The following SANBR variants were observed in gnomAD, a reference collection of about 807,000 sequenced individuals.
SANBR encodes SANT and BTB domain regulator of class switch recombination.
SANBR carries 77 observed loss-of-function variants against 101.8 expected under a neutral mutation model. The ratio of observed to expected loss-of-function variants is 0.76; its 90% CI spans 0.63 to 0.91. SANBR has a LOEUF of 0.91. SANBR is among the 40% of genes least tolerant of loss of function. The pLI is 0.00. For synonymous variants in SANBR, 279 were observed against 274.7 expected (o/e 1.02, Z -0.15); for missense variants, 875 against 853.0 (o/e 1.03, Z -0.32).
chr2:61,123,194 G>C lies in SANBR; in HGVS notation c.*1032G>C. On this transcript the variant is annotated 3_prime_UTR_variant, in exon 22 of 22. Coordinates refer to ENST00000402291, the MANE Select transcript of SANBR (RefSeq NM_001129993.3). ...TAACCATATAATAAATTATGTGTTT[G>C]TAAATTATATGTAGGTCTCTGAAAA... 3 of 978,664 alleles carry C rather than the reference G, an allele frequency of 3.1e-6. No homozygotes were observed. Among genetic ancestry groups the C allele is most frequent in the Non-Finnish European group, 3.6e-6 (3 of 823,646 alleles). 60.6% of individuals were successfully genotyped at this position (978,664 alleles called of 1,614,324 possible). A position where few individuals can be genotyped will look rare whatever the true frequency, so the allele number is the denominator to read the frequency against.
chr2:61,117,228 AT>A lies in SANBR; in HGVS notation c.1837-128del, dbSNP rs559693054. 7.7e-4 allele frequency: 645 copies of A among 838,940 alleles called. 1 individual carries two copies. In the African/African-American group the frequency reaches 9.7e-3, roughly 13 times the overall value. The allele number at this position is 838,940 out of a possible 1,614,324, so 52.0% of individuals were successfully genotyped here. On this transcript the variant is annotated intron_variant, in intron 17 of 21. Coordinates refer to ENST00000402291, the MANE Select transcript of SANBR (RefSeq NM_001129993.3). ...TTGGTTGGTGCAAGGTTTAAATGAAATAGCACTTGTAATGCTCTTGGTACAG... is the reference window on the plus strand; with the variant it reads ...TTGGTTGGTGCAAGGTTTAAATGAAAAGCACTTGTAATGCTCTTGGTACAG...
At chr2:61,120,510 C>T (rs535106679) in intron 20 of SANBR, among the ~76,000 whole-genome samples, 1 of 151,976 alleles carries the variant, frequency 6.6e-6, no homozygotes, top group Non-Finnish European at 1.5e-5. Flanking sequence ...TCAAAAAGAA[C>T]ATTGAGCCCA....
At chr2:61,077,276 G>C (rs971897431) in intron 6 of SANBR, 118 bp downstream of exon 6, 1 of 717,522 alleles carries the variant, frequency 1.4e-6, no homozygotes, top group African/African-American at 1.8e-5. Flanking sequence ...GCTCATATTA[G>C]TAACAGCCTT....
chr2:61,078,785 T>A (rs984398037), intron 6 of SANBR, among the ~76,000 whole-genome samples: 6 of 151,812 alleles, frequency 4.0e-5, no homozygotes, highest in Non-Finnish European at 8.8e-5. Context: ...ACACTGGTAG[T>A]CCCAGCACTT....
At chr2:61,075,983 CTTTATTTATTTA>C (rs529777250) in intron 5 of SANBR, among the ~76,000 whole-genome samples, 2 of 151,060 alleles carry the variant, frequency 1.3e-5, no homozygotes, top group African/African-American at 2.4e-5. Flanking sequence ...TTTTTATAAA[CTTTATTTATTTA>C]TTTATTTATT....
intron 12 of SANBR, among the ~76,000 whole-genome samples, chr2:61,098,367 G>T (rs576417440): frequency 2.6e-5 from 4 of 152,114 alleles, no homozygotes; most frequent in Non-Finnish European, 5.9e-5. Flanking sequence ...GCCTCCCAGA[G>T]TGCCGGGATT....
intron 5 of SANBR, among the ~76,000 whole-genome samples, chr2:61,074,422 C>A (rs1681648429): frequency 6.6e-6 from 1 of 152,098 alleles, no homozygotes; most frequent in Admixed American, 6.6e-5. Flanking sequence ...TGGAGGTTTT[C>A]TTTTGAGACA....
At chr2:61,070,959 C>T (rs1311794825) in intron 3 of SANBR, among the ~76,000 whole-genome samples, 3 of 151,292 alleles carry the variant, frequency 2.0e-5, no homozygotes, top group East Asian at 3.9e-4. Flanking sequence ...TGACCTCAAG[C>T]GATCTTTCTG....
chr2:61,133,215 G>A (rs1311416268), intron 20 of SANBR, among the ~76,000 whole-genome samples: 1 of 151,954 alleles, frequency 6.6e-6, no homozygotes, highest in African/African-American at 2.4e-5. Context: ...ACACGTTACT[G>A]CACTGCACTC....
At chr2:61,130,446 GACAAAGGTATC>G (rs1421319747) in intron 20 of SANBR, among the ~76,000 whole-genome samples, 2 of 152,050 alleles carry the variant, frequency 1.3e-5, no homozygotes, top group Non-Finnish European at 2.9e-5. Context: ...GACATCACTA[GACAAAGGTATC>G]ACAAGAAAAA....
At chr2:61,130,662 C>T (rs1427904855) in intron 20 of SANBR, among the ~76,000 whole-genome samples, 1 of 150,976 alleles carries the variant, frequency 6.6e-6, no homozygotes, top group Non-Finnish European at 1.5e-5. Context: ...TTAAGTTTCA[C>T]AATCAGCTGG....
chr2:61,095,373 A>G (rs903847440), intron 11 of SANBR, among the ~76,000 whole-genome samples: 6 of 152,342 alleles, frequency 3.9e-5, no homozygotes, highest in South Asian at 4.1e-4. Context: ...TATAGTTTTT[A>G]TAGGTTCTCA....
At chr2:61,125,363 G>T (rs1180035616), downstream of SANBR, among the ~76,000 whole-genome samples, 1 of 152,182 alleles carries the variant, frequency 6.6e-6, no homozygotes, top group Non-Finnish European at 1.5e-5. Flanking sequence ...TGTATTTAGT[G>T]CAAGAAAGGA....
At chr2:61,108,281 A>AG in intron 14 of SANBR, 36 bp from the exon 15 acceptor site, 1 of 1,426,368 alleles carries the variant, frequency 7.0e-7, no homozygotes, top group South Asian at 1.3e-5. Flanking sequence ...ATCTAGGTAA[A>AG]TGCAGATTTA....
At chr2:61,089,221 A>G in intron 10 of SANBR, 2 of 984,492 alleles carry the variant, frequency 2.0e-6, no homozygotes, top group Non-Finnish European at 2.4e-6. Flanking sequence ...GTATTTCATT[A>G]ATATGTAGGC....
chr2:61,138,026 C>A (rs1684899656), exon 22 of SANBR: 1 of 152,130 alleles, frequency 6.6e-6, no homozygotes, highest in South Asian at 2.1e-4. Context: ...TATTTCTTGT[C>A]TATGGACATT....
At chr2:61,112,756 C>A (rs1214264114) in intron 16 of SANBR, among the ~76,000 whole-genome samples, 1 of 152,158 alleles carries the variant, frequency 6.6e-6, no homozygotes, top group Admixed American at 6.5e-5. Flanking sequence ...GGCCTCCCAA[C>A]TGCTGGGATT....
chr2:61,083,086 G>A, intron 7 of SANBR, 68 bp from the exon 8 acceptor site: 1 of 1,204,148 alleles, frequency 8.3e-7, no homozygotes, highest in Non-Finnish European at 1.2e-6. Context: ...TTTTATCTTT[G>A]AAAGGTATTG....
chr2:61,111,571 G>T (rs1479492907), intron 16 of SANBR, among the ~76,000 whole-genome samples: 1 of 152,174 alleles, frequency 6.6e-6, no homozygotes, highest in African/African-American at 2.4e-5. Context: ...TTTGATTGAG[G>T]TATAAGTTAT....
Sources: gnomAD v4.1 joint callset for allele counts (sites outside exome capture counted in the v4.1 genomes callset) on GRCh38, gnomAD v4.1.1 for gene constraint, MANE v1.5 for transcripts, NCBI Gene and HGNC (gene_info 2026-07-23, HGNC 2026-07-21) for gene names.